Variants in USP13 observed in about 807,000 individuals in gnomAD.
USP13 encodes the protein ubiquitin carboxyl-terminal hydrolase 13.
USP13 carries 68 observed loss-of-function variants against 107.8 expected under a neutral mutation model. The observed-to-expected ratio is 0.63, with a 90% CI of 0.52 to 0.77. USP13 has a LOEUF of 0.77. Among genes scored for constraint, USP13 ranks in the 30% least tolerant of loss-of-function variants. USP13 has a pLI of 0.00. For missense variants in USP13, 945 were observed against 1,093.3 expected, an observed-to-expected ratio of 0.86 and a Z score of 1.91; for synonymous variants, 377 against 389.5, an observed-to-expected ratio of 0.97 and a Z score of 0.38.
At chr3:179,698,490 TG>T (rs139337856) in intron 3 of USP13, among the ~76,000 whole-genome samples, 51 of 150,254 alleles carry the variant, frequency 3.4e-4, no homozygotes, top group East Asian at 1.9e-3. Flanking sequence ...AATGCCAGAG[TG>T]GGGTTTTTTT....
rs1229201653 is a variant in USP13, at chr3:179,785,816, T to C, written c.*1675T>C. The C allele has an allele frequency of 1.3e-5, 2 of 152,378 alleles. No individual in the cohort carries two copies. Among genetic ancestry groups the C allele is most frequent in the Non-Finnish European group, 2.9e-5 (2 of 68,172 alleles). 9.4% of individuals were successfully genotyped at this position (152,378 alleles called of 1,614,324 possible). ...CCTGGGTGCTGCTCCTAGCTGACTGTGGACCTTGGGCAAGTCCTTCATCCG... is the reference window on the plus strand; with the variant it reads ...CCTGGGTGCTGCTCCTAGCTGACTGCGGACCTTGGGCAAGTCCTTCATCCG... On this transcript the variant is annotated 3_prime_UTR_variant, in exon 21 of 21. Coordinates refer to ENST00000263966, the MANE Select transcript of USP13 (RefSeq NM_003940.3).
intron 3 of USP13, among the ~76,000 whole-genome samples, chr3:179,696,397 C>G (rs1191481816): frequency 7.5e-6 from 1 of 132,634 alleles, no homozygotes; most frequent in African/African-American, 2.9e-5. Flanking sequence ...ATGGCATGAT[C>G]TTGGCTCACC....
chr3:179,736,332 A>G (rs925050064), intron 10 of USP13, among the ~76,000 whole-genome samples: 12 of 152,308 alleles, frequency 7.9e-5, no homozygotes, highest in Admixed American at 6.5e-4. Context: ...TCAGAGCCTG[A>G]CTTTCTAATA....
intron 2 of USP13, among the ~76,000 whole-genome samples, chr3:179,687,935 T>C (rs569430802): frequency 6.6e-6 from 1 of 152,262 alleles, no homozygotes; most frequent in East Asian, 1.9e-4. Context: ...TTCACCAAGT[T>C]TGTGCTCCAG....
rs71182509 is a variant in USP13, at chr3:179,687,659, CAA to C, written c.295-2557_295-2556del. Reference sequence around the variant, plus strand: ...GGGCAACAAGAGTGAAACTCTGTCTCAAAAAAAAAAAAAAAAAAAAAAAAAAG... The same window carrying C: ...GGGCAACAAGAGTGAAACTCTGTCTCAAAAAAAAAAAAAAAAAAAAAAAAG... On this transcript the variant is annotated intron_variant, in intron 2 of 20. Transcript: ENST00000263966. Among the ~76,000 whole-genome samples, 178 of 18,518 alleles carry C rather than the reference CAA, an allele frequency of 9.6e-3. 2 individuals are homozygous for C. Among genetic ancestry groups the C allele is most frequent in the East Asian group, 0.064 (28 of 436 alleles). 12.1% of individuals were successfully genotyped at this position (18,518 alleles called of 152,430 possible). A position where few individuals can be genotyped will look rare whatever the true frequency, so the allele number is the denominator to read the frequency against.
chr3:179,688,099 G>A (rs6804589), intron 2 of USP13, among the ~76,000 whole-genome samples: 4,064 of 140,598 alleles, frequency 0.029, 147 homozygotes, highest in African/African-American at 0.094. Flanking sequence ...CCATCCATCC[G>A]TCCATCCATC....
Position 179,700,995 on chromosome 3 carries a change from G to A in USP13, c.356-13G>A. On this transcript the variant is annotated splice_polypyrimidine_tract_variant and intron_variant, in intron 3 of 20. Coordinates refer to ENST00000263966, the MANE Select transcript of USP13 (RefSeq NM_003940.3). ...TCCTCACTTCTTGTTCTTTGTTTTT[G>A]TTTTCTCCTCAGATCTAGATACTGA... 1.9e-6 allele frequency: 3 copies of A among 1,607,180 alleles called. No homozygotes were observed. The highest frequency in any genetic ancestry group is 2.5e-6 in the Non-Finnish European group (3 of 1,177,986).
chr3:179,728,603 C>A (rs1680938449), intron 8 of USP13, among the ~76,000 whole-genome samples: 1 of 151,754 alleles, frequency 6.6e-6, no homozygotes, highest in Non-Finnish European at 1.5e-5. Flanking sequence ...AGGCTGCAAT[C>A]TCAGCACTTT....
At chr3:179,733,517 T>C (rs1233062221) in intron 10 of USP13, among the ~76,000 whole-genome samples, 1 of 152,168 alleles carries the variant, frequency 6.6e-6, no homozygotes, top group Non-Finnish European at 1.5e-5. Flanking sequence ...AAGGAACCAA[T>C]TTGTGAGACT....
chr3:179,706,416 C>A (rs1712720739), intron 4 of USP13, among the ~76,000 whole-genome samples: 1 of 152,172 alleles, frequency 6.6e-6, no homozygotes, highest in African/African-American at 2.4e-5. Context: ...CAGAGACACC[C>A]AGGCATGTCC....
intron 8 of USP13, among the ~76,000 whole-genome samples, chr3:179,728,439 G>A (rs1219283640): frequency 1.3e-5 from 2 of 149,916 alleles, no homozygotes; most frequent in Admixed American, 6.6e-5. Flanking sequence ...CCGGGAAGAG[G>A]CGCTCCTCAC....
chr3:179,718,771 C>CTT lies in USP13; in HGVS notation c.806-1160_806-1159dup. On this transcript the variant is annotated intron_variant, in intron 6 of 20. Transcript: ENST00000263966. The stretch of plus-strand genomic sequence containing the variant: ...CAAGATTCTGCATTTCTTTTCTTTT[C>CTT]TTTTTTTTTTGAGATAGAGTCTCTC... Among the ~76,000 whole-genome samples the CTT allele has an allele frequency of 2.7e-5, 4 of 148,816 alleles. 1 individual carries two copies. The highest frequency in any genetic ancestry group is 9.8e-5 in the African/African-American group (4 of 40,726).
chr3:179,671,846 G>A (rs1379032827), intron 1 of USP13, among the ~76,000 whole-genome samples: 3 of 152,170 alleles, frequency 2.0e-5, no homozygotes, highest in Admixed American at 1.3e-4. Context: ...TTCCCGCGGT[G>A]TTAGTATGTG....
rs1576899556 is a variant in USP13, at chr3:179,653,476, C to G, written c.168+83C>G. Reference sequence around the variant, plus strand: ...CGGGGGAGAAGATGCGCAGTGGCGGCCGGGACCTCTTCTCTTCCTCCGGGC... The same window carrying G: ...CGGGGGAGAAGATGCGCAGTGGCGGGCGGGACCTCTTCTCTTCCTCCGGGC... On this transcript the variant is annotated intron_variant, in intron 1 of 20. Coordinates refer to ENST00000263966, the MANE Select transcript of USP13 (RefSeq NM_003940.3). This position sits in a 1 kb window ranked among gnomAD's most constrained non-coding sequence, Gnocchi z 4.0. The G allele has an allele frequency of 6.7e-7, 1 of 1,491,260 alleles. No homozygotes were observed. Among genetic ancestry groups the G allele is most frequent in the Non-Finnish European group, 9.0e-7 (1 of 1,112,372 alleles). The allele number at this position is 1,491,260 out of a possible 1,614,324, so 92.4% of individuals were successfully genotyped here.
chr3:179,738,437 A>ATGGCAGTTGG (rs1411926769), intron 10 of USP13, among the ~76,000 whole-genome samples: 1 of 152,210 alleles, frequency 6.6e-6, no homozygotes, highest in Non-Finnish European at 1.5e-5. Context: ...TGTTAGCTGC[A>ATGGCAGTTGG]TGGCAGTTGG....
chr3:179,672,420 C>T (rs1363605435), intron 1 of USP13, among the ~76,000 whole-genome samples: 2 of 145,658 alleles, frequency 1.4e-5, no homozygotes, highest in Non-Finnish European at 3.0e-5. Context: ...GTGTGTCGCT[C>T]TGTTGCCAGT....
At chr3:179,761,391 A>G in intron 17 of USP13, 136 bp downstream of exon 17, 1 of 1,171,898 alleles carries the variant, frequency 8.5e-7, no homozygotes, top group Admixed American at 2.9e-5. Flanking sequence ...GCAGTGGAGG[A>G]GAAAGCCAGT....
intron 4 of USP13, among the ~76,000 whole-genome samples, chr3:179,704,310 G>C (rs1376273313): frequency 6.6e-6 from 1 of 152,180 alleles, no homozygotes; most frequent in African/African-American, 2.4e-5. Flanking sequence ...AGAACGTTTA[G>C]AAAAGATCTA....
chr3:179,713,654 A>G (rs1450791795), intron 6 of USP13, among the ~76,000 whole-genome samples: 1 of 152,182 alleles, frequency 6.6e-6, no homozygotes, highest in Non-Finnish European at 1.5e-5. Context: ...TTTTTAGTTC[A>G]TAATGAGAGC....
Sources: allele counts gnomAD v4.1 joint callset (sites outside exome capture counted in the v4.1 genomes callset), GRCh38; gene constraint gnomAD v4.1.1; non-coding constraint Gnocchi (gnomAD v3.1); transcripts MANE v1.5; gene names NCBI Gene and HGNC (gene_info 2026-07-23, HGNC 2026-07-21).